TTC23L: variants seen among roughly 807,000 people sequenced by gnomAD.
TTC23L encodes tetratricopeptide repeat protein 23-like.
In TTC23L, 42 loss-of-function variants were observed where a neutral mutation model predicts 48.1. The ratio of observed to expected loss-of-function variants is 0.87; its 90% confidence interval spans 0.68 to 1.13. The LOEUF (loss-of-function observed/expected upper bound fraction) is 1.13, where lower values mean the gene tolerates loss of function less well. TTC23L is among the 50% of genes most tolerant of loss of function. The probability of loss-of-function intolerance (pLI) is 0.00; values close to 1 mark genes in which losing one functional copy is unlikely to be tolerated. For synonymous variants in TTC23L, 159 were observed against 157.2 expected (o/e 1.01, Z -0.09); for missense variants, 391 against 421.0 (o/e 0.93, Z 0.62).
exon 2 of TTC23L, chr5:34,840,699 A>C (rs370829596): frequency 6.2e-7 from 1 of 1,613,972 alleles, no homozygotes; most frequent in East Asian, 2.2e-5. Flanking sequence ...CCGTATCCCA[A>C]CTGTTAGCAA....
At chr5:34,918,666 A>T in the TTC23L span, 1 of 472,054 alleles carries the variant, frequency 2.1e-6, no homozygotes, top group Admixed American at 4.0e-5. Flanking sequence ...CATTAGGTAG[A>T]TTCTTTACTT....
intron 9 of TTC23L, among the ~76,000 whole-genome samples, chr5:34,891,523 C>T (rs1762865596): frequency 1.3e-5 from 2 of 152,226 alleles, no homozygotes; most frequent in Admixed American, 6.5e-5. Flanking sequence ...TTCAGGGCAA[C>T]AGTTCAGAAT....
chr5:34,882,659 A>ACACACACACACACACACACACAC, intron 9 of TTC23L, among the ~76,000 whole-genome samples: 1 of 144,168 alleles, frequency 6.9e-6, no homozygotes, highest in Non-Finnish European at 1.5e-5. Context: ...ACACACACAC[A>ACACACACACACACACACACACAC]ATATCTTTTG....
At chr5:34,911,920 T>G in the TTC23L span, 1 of 1,290,362 alleles carries the variant, frequency 7.7e-7, no homozygotes, top group Non-Finnish European at 1.1e-6. Flanking sequence ...CCGCCCAATT[T>G]CTCACATATA....
At chr5:34,915,042 G>A in the TTC23L span, 1 of 749,582 alleles carries the variant, frequency 1.3e-6, no homozygotes, top group Non-Finnish European at 2.1e-6. Flanking sequence ...GTGGAAAGGG[G>A]CTGGGAGGCT....
the TTC23L span, chr5:34,909,099 T>G: frequency 1.1e-6 from 1 of 948,326 alleles, no homozygotes; most frequent in Non-Finnish European, 1.6e-6. Context: ...CATTCACTGT[T>G]AGAACCCTAC....
At chr5:34,898,999 T>G (rs373931098) in intron 10 of TTC23L, among the ~76,000 whole-genome samples, 2 of 152,262 alleles carry the variant, frequency 1.3e-5, no homozygotes, top group African/African-American at 4.8e-5. Context: ...GGCCTCGGGC[T>G]GTAAGTCTCC....
chr5:34,906,412 G>T, the TTC23L span: 1 of 152,158 alleles, frequency 6.6e-6, no homozygotes, highest in Admixed American at 6.6e-5. Context: ...GCCGAGGCGG[G>T]TGGATTGCTT....
chr5:34,883,697 CAT>C (rs769765845), intron 9 of TTC23L, among the ~76,000 whole-genome samples: 14 of 152,084 alleles, frequency 9.2e-5, no homozygotes, highest in Non-Finnish European at 1.6e-4. Context: ...ATTCTAGAAA[CAT>C]ATTACCTACC....
chr5:34,884,857 CTGG>C (rs1762453464), intron 9 of TTC23L, among the ~76,000 whole-genome samples: 1 of 152,162 alleles, frequency 6.6e-6, no homozygotes, highest in African/African-American at 2.4e-5. Context: ...GCAGTGTTCT[CTGG>C]AAAGCAGCAA....
At chr5:34,895,735 A>C (rs1184732622) in intron 9 of TTC23L, among the ~76,000 whole-genome samples, 1 of 152,096 alleles carries the variant, frequency 6.6e-6, no homozygotes, top group Non-Finnish European at 1.5e-5. Context: ...GGAGATGGGG[A>C]TTTGGGAGGT....
intron 4 of TTC23L, among the ~76,000 whole-genome samples, chr5:34,852,144 C>A (rs1209433189): frequency 6.6e-6 from 1 of 152,172 alleles, no homozygotes; most frequent in East Asian, 1.9e-4. Context: ...CTCAGCCTCC[C>A]AAAGTGCTGG....
At chr5:34,844,418 C>G (rs546967988) in intron 2 of TTC23L, among the ~76,000 whole-genome samples, 9 of 131,040 alleles carry the variant, frequency 6.9e-5, no homozygotes, top group African/African-American at 2.6e-4. Context: ...AAAGGTGGCA[C>G]AGACCCAAAG....
At chr5:34,898,591 G>A (rs1358209442) in intron 10 of TTC23L, among the ~76,000 whole-genome samples, 2 of 152,076 alleles carry the variant, frequency 1.3e-5, no homozygotes, top group African/African-American at 4.8e-5. Context: ...CTTAATCTGT[G>A]CCTATTTCTT....
intron 2 of TTC23L, among the ~76,000 whole-genome samples, chr5:34,845,089 CTAAT>C (rs745920664): frequency 7.9e-5 from 12 of 152,166 alleles, no homozygotes; most frequent in Non-Finnish European, 1.8e-4. Context: ...TGTCCTGGAG[CTAAT>C]GATATACTAA....
chr5:34,841,511 T>C (rs1343824443), intron 2 of TTC23L, among the ~76,000 whole-genome samples: 1 of 152,154 alleles, frequency 6.6e-6, no homozygotes, highest in Admixed American at 6.6e-5. Flanking sequence ...CTAGAATCCA[T>C]TCTTGTTTTG....
intron 8 of TTC23L, among the ~76,000 whole-genome samples, chr5:34,878,148 A>C (rs1761986245): frequency 6.6e-6 from 1 of 152,200 alleles, no homozygotes; most frequent in Non-Finnish European, 1.5e-5. Context: ...ATTAGGTATA[A>C]ATCTAGCAAA....
At chr5:34,845,651 C>T (rs777405507) in exon 3 of TTC23L, 2 of 1,607,122 alleles carry the variant, frequency 1.2e-6, no homozygotes, top group Non-Finnish European at 1.7e-6. Context: ...AAGAAAGTAG[C>T]TCAGCTGATT....
the TTC23L span, chr5:34,919,864 A>C: frequency 4.2e-6 from 5 of 1,200,604 alleles, no homozygotes; most frequent in Non-Finnish European, 6.0e-6. Context: ...CGTAAGGATA[A>C]GCTATTTGTG....
Sources: allele counts gnomAD v4.1 joint callset (sites outside exome capture counted in the v4.1 genomes callset), GRCh38; gene constraint gnomAD v4.1.1; transcripts MANE v1.5; gene names NCBI Gene and HGNC (gene_info 2026-07-23, HGNC 2026-07-21).